The following ZDHHC2 variants were observed in gnomAD, a reference collection of about 807,000 sequenced individuals.
ZDHHC2 encodes the protein palmitoyltransferase ZDHHC2.
Under a neutral mutation model 55.6 loss-of-function variants are expected in ZDHHC2, and 51 were observed. The ratio of observed to expected loss-of-function variants is 0.92; its 90% CI spans 0.73 to 1.16. ZDHHC2 has a LOEUF of 1.16. ZDHHC2 is among the 50% of genes most tolerant of loss of function. The pLI is 0.00. For missense variants in ZDHHC2, 491 were observed against 442.4 expected (o/e 1.11, Z -0.99); for synonymous variants, 199 against 152.9 (o/e 1.30, Z -2.22).
chr8:17,200,061 T>G (rs540556060), intron 6 of ZDHHC2, among the ~76,000 whole-genome samples: 1 of 152,122 alleles, frequency 6.6e-6, no homozygotes, highest in Non-Finnish European at 1.5e-5. Context: ...GGCCAACGTC[T>G]TCTTAATTCT....
At chr8:17,181,768 C>G (rs1301189691) in intron 1 of ZDHHC2, among the ~76,000 whole-genome samples, 1 of 152,066 alleles carries the variant, frequency 6.6e-6, no homozygotes, top group Non-Finnish European at 1.5e-5. Flanking sequence ...TATAAATAAT[C>G]AAATTATATT....
chr8:17,183,266 G>A (rs1246837872), intron 1 of ZDHHC2, among the ~76,000 whole-genome samples: 3 of 152,184 alleles, frequency 2.0e-5, no homozygotes, highest in African/African-American at 7.2e-5. Context: ...TGGAAATTTT[G>A]ATCCAGAAAA....
chr8:17,168,127 G>A (rs1804692380), intron 1 of ZDHHC2, among the ~76,000 whole-genome samples: 1 of 152,114 alleles, frequency 6.6e-6, no homozygotes, highest in Admixed American at 6.5e-5. Context: ...AAGACCCTTG[G>A]AGTTTGAGGA....
chr8:17,218,973 G>A (rs557171444), intron 12 of ZDHHC2, among the ~76,000 whole-genome samples: 4 of 151,752 alleles, frequency 2.6e-5, no homozygotes, highest in South Asian at 2.1e-4. Context: ...CATATTGGCC[G>A]GGCGCGGTGG....
chr8:17,194,327 AAAATATAT>A (rs569357315), intron 3 of ZDHHC2, among the ~76,000 whole-genome samples: 50 of 146,016 alleles, frequency 3.4e-4, no homozygotes, highest in Non-Finnish European at 5.2e-4. Flanking sequence ...GTATATATAC[AAAATATAT>A]AAATATATAA....
intron 7 of ZDHHC2, 148 bp downstream of exon 7, chr8:17,205,923 G>T: frequency 1.3e-6 from 1 of 770,302 alleles, no homozygotes; most frequent in Non-Finnish European, 1.9e-6. Context: ...TTCTTTATTT[G>T]TTAATTCAGT....
intron 1 of ZDHHC2, among the ~76,000 whole-genome samples, chr8:17,165,257 C>T (rs1361810844): frequency 6.6e-6 from 1 of 152,204 alleles, no homozygotes; most frequent in Non-Finnish European, 1.5e-5. Context: ...AAGTGGGCAA[C>T]TCCATGTGAC....
intron 1 of ZDHHC2, among the ~76,000 whole-genome samples, chr8:17,175,714 A>G (rs569044272): frequency 3.0e-4 from 45 of 149,118 alleles, no homozygotes; most frequent in African/African-American, 1.1e-3. Flanking sequence ...AACATCACAC[A>G]GGATTCAAAC....
chr8:17,202,999 T>C (rs1200924760), intron 6 of ZDHHC2, among the ~76,000 whole-genome samples: 1 of 152,022 alleles, frequency 6.6e-6, no homozygotes, highest in Non-Finnish European at 1.5e-5. Flanking sequence ...GAAACAATCT[T>C]TTCTATCCCT....
At chr8:17,159,501 A>C (rs1388363379) in intron 1 of ZDHHC2, among the ~76,000 whole-genome samples, 1 of 152,200 alleles carries the variant, frequency 6.6e-6, no homozygotes, top group Non-Finnish European at 1.5e-5. Flanking sequence ...ATTTAGGAGT[A>C]GTGCTTATCC....
At chr8:17,199,521 G>A (rs949034513) in intron 6 of ZDHHC2, among the ~76,000 whole-genome samples, 6 of 35,648 alleles carry the variant, frequency 1.7e-4, no homozygotes, top group East Asian at 1.2e-3. Context: ...CTTCGTCTTC[G>A]TCTTCGTCTT....
intron 1 of ZDHHC2, among the ~76,000 whole-genome samples, chr8:17,170,111 A>G (rs867689966): frequency 6.6e-6 from 1 of 152,228 alleles, no homozygotes; most frequent in Non-Finnish European, 1.5e-5. Context: ...GGGCGAGAGT[A>G]TGATTTGCTG....
Position 17,210,490 on chromosome 8 carries a change from T to C in ZDHHC2, c.950+10T>C. Reference sequence around the variant, plus strand: ...ATTCCACAGCTAAAAAGTAATCTCATATTTTTTTTCATTTTACTTTCAAAT... The same window carrying C: ...ATTCCACAGCTAAAAAGTAATCTCACATTTTTTTTCATTTTACTTTCAAAT... On this transcript the variant is annotated intron_variant, in intron 10 of 12. Coordinates refer to ENST00000262096, the MANE Select transcript of ZDHHC2 (RefSeq NM_016353.5). The C allele has an allele frequency of 6.3e-7, 1 of 1,595,472 alleles. No homozygotes were observed. Among genetic ancestry groups the C allele is most frequent in the Non-Finnish European group, 8.5e-7 (1 of 1,172,214 alleles).
intron 1 of ZDHHC2, among the ~76,000 whole-genome samples, chr8:17,184,184 GCC>G (rs1805583621): frequency 6.9e-6 from 1 of 145,228 alleles, no homozygotes; most frequent in Non-Finnish European, 1.5e-5. Flanking sequence ...AGTGCTTGTG[GCC>G]CCTGTCCTCA....
At chr8:17,210,740 T>C (rs999984169) in intron 10 of ZDHHC2, among the ~76,000 whole-genome samples, 9 of 152,178 alleles carry the variant, frequency 5.9e-5, no homozygotes, top group African/African-American at 2.2e-4. Context: ...CTGAAATATT[T>C]TTTAAATGTA....
chr8:17,193,985 T>A (rs1806177542), intron 3 of ZDHHC2, among the ~76,000 whole-genome samples: 1 of 152,224 alleles, frequency 6.6e-6, no homozygotes, highest in South Asian at 2.1e-4. Flanking sequence ...TTCTCACTGT[T>A]CCACTCCCAC....
At chr8:17,168,302 A>G (rs1000775216) in intron 1 of ZDHHC2, among the ~76,000 whole-genome samples, 1 of 152,176 alleles carries the variant, frequency 6.6e-6, no homozygotes, top group African/African-American at 2.4e-5. Context: ...ACAGCTCAAC[A>G]AAGCTTTGTT....
intron 1 of ZDHHC2, among the ~76,000 whole-genome samples, chr8:17,172,065 A>T (rs552588038): frequency 1.3e-5 from 2 of 152,054 alleles, no homozygotes; most frequent in Non-Finnish European, 2.9e-5. Flanking sequence ...CGTCCGATTG[A>T]TAAAGCCCAA....
At chr8:17,171,543 G>A (rs145002810) in intron 1 of ZDHHC2, among the ~76,000 whole-genome samples, 3 of 152,042 alleles carry the variant, frequency 2.0e-5, no homozygotes, top group Admixed American at 1.3e-4. Flanking sequence ...TTGAAAGACC[G>A]ACACATTCCT....
Sources: allele counts gnomAD v4.1 joint callset (sites outside exome capture counted in the v4.1 genomes callset), GRCh38; gene constraint gnomAD v4.1.1; transcripts MANE v1.5; gene names NCBI Gene and HGNC (gene_info 2026-07-23, HGNC 2026-07-21).